Variants in AHCYL2 observed in about 807,000 individuals in gnomAD.
AHCYL2 encodes S-adenosylhomocysteine hydrolase-like protein 2.
In AHCYL2, 28 loss-of-function variants were observed where a neutral mutation model predicts 81.4. The observed-to-expected ratio is 0.34, with a 90% CI of 0.25 to 0.47. The LOEUF (loss-of-function observed/expected upper bound fraction) is 0.47. Among genes scored for constraint, AHCYL2 ranks in the 20% least tolerant of loss-of-function variants. The pLI is 1.00. For missense variants in AHCYL2, 551 were observed against 785.1 expected, an observed-to-expected ratio of 0.70 and a Z score of 3.56; for synonymous variants, 272 against 290.2, an observed-to-expected ratio of 0.94 and a Z score of 0.64.
At chr7:129,408,114 A>G (rs1448038621) in intron 10 of AHCYL2, among the ~76,000 whole-genome samples, 1 of 152,174 alleles carries the variant, frequency 6.6e-6, no homozygotes, top group African/African-American at 2.4e-5. Flanking sequence ...CACTGTAAGT[A>G]TTTGGGTCTT....
intron 1 of AHCYL2, among the ~76,000 whole-genome samples, chr7:129,339,994 C>G (rs1000764434): frequency 2.9e-4 from 42 of 144,498 alleles, no homozygotes; most frequent in Non-Finnish European, 3.3e-4. Flanking sequence ...TCTCGGCTCA[C>G]TGCAAGCTCC....
At chr7:129,362,051 ACTACT>A (rs1793947991) in intron 1 of AHCYL2, among the ~76,000 whole-genome samples, 1 of 152,176 alleles carries the variant, frequency 6.6e-6, no homozygotes, top group African/African-American at 2.4e-5. Flanking sequence ...GCAGTTGAGT[ACTACT>A]CTGCTCTATC....
chr7:129,319,900 G>A (rs943334764), intron 1 of AHCYL2, among the ~76,000 whole-genome samples: 4 of 151,960 alleles, frequency 2.6e-5, no homozygotes, highest in Admixed American at 2.0e-4. Context: ...ATATACATAT[G>A]CTTTCATTTT....
intron 1 of AHCYL2, among the ~76,000 whole-genome samples, chr7:129,280,875 T>TG (rs1348578629): frequency 2.4e-4 from 36 of 151,660 alleles, no homozygotes; most frequent in African/African-American, 7.0e-4. Context: ...TTCTTTTTTT[T>TG]TTTTTTTGAG....
chr7:129,312,018 CTT>C (rs1288923707), intron 1 of AHCYL2, among the ~76,000 whole-genome samples: 1 of 152,120 alleles, frequency 6.6e-6, no homozygotes, highest in African/African-American at 2.4e-5. Context: ...ACGTTTCGCT[CTT>C]GTCATTGCCC....
chr7:129,280,694 T>C (rs1796406290), intron 1 of AHCYL2, among the ~76,000 whole-genome samples: 1 of 151,984 alleles, frequency 6.6e-6, no homozygotes, highest in Non-Finnish European at 1.5e-5. Context: ...ATATTAGCTG[T>C]TGTTTTTTTT....
chr7:129,228,599 A>G (rs540124999), intron 1 of AHCYL2, among the ~76,000 whole-genome samples: 56 of 152,382 alleles, frequency 3.7e-4, no homozygotes, highest in Non-Finnish European at 6.6e-4. Context: ...AGGTAGTACT[A>G]GCTGAAAGGG....
intron 2 of AHCYL2, among the ~76,000 whole-genome samples, chr7:129,382,720 A>G (rs890073940): frequency 5.9e-5 from 9 of 151,944 alleles, no homozygotes; most frequent in African/African-American, 2.2e-4. Context: ...AGCCTGACCA[A>G]CATGGAGAAA....
At chr7:129,377,146 T>G (rs1163881513) in intron 1 of AHCYL2, among the ~76,000 whole-genome samples, 1 of 152,130 alleles carries the variant, frequency 6.6e-6, no homozygotes, top group Non-Finnish European at 1.5e-5. Context: ...CTTCTCCCTT[T>G]ATGAGCCTAT....
intron 1 of AHCYL2, among the ~76,000 whole-genome samples, chr7:129,299,683 A>T (rs943259426): frequency 2.6e-5 from 4 of 152,014 alleles, no homozygotes; most frequent in Admixed American, 2.6e-4. Context: ...ATGAGCCATC[A>T]CGCCCAGCCA....
At chr7:129,266,716 G>A (rs1236243483) in intron 1 of AHCYL2, among the ~76,000 whole-genome samples, 2 of 152,114 alleles carry the variant, frequency 1.3e-5, no homozygotes, top group Non-Finnish European at 2.9e-5. Context: ...AATAGGAGGG[G>A]CAATCCAAAG....
chr7:129,228,729 C>T (rs1794313491), intron 1 of AHCYL2, among the ~76,000 whole-genome samples: 1 of 152,118 alleles, frequency 6.6e-6, no homozygotes, highest in Admixed American at 6.5e-5. Flanking sequence ...GGCTGCAAGC[C>T]CAAGAACCTC....
chr7:129,267,922 A>G (rs573133065), intron 1 of AHCYL2, among the ~76,000 whole-genome samples: 2 of 152,270 alleles, frequency 1.3e-5, no homozygotes, highest in South Asian at 4.1e-4. Context: ...AAAAGTACCT[A>G]TAACATGGGA....
At chr7:129,377,090 G>C (rs1794721578) in intron 1 of AHCYL2, among the ~76,000 whole-genome samples, 1 of 152,212 alleles carries the variant, frequency 6.6e-6, no homozygotes, top group South Asian at 2.1e-4. Context: ...TTGATTGAGT[G>C]CCTAGGATTT....
intron 1 of AHCYL2, among the ~76,000 whole-genome samples, chr7:129,246,122 G>C (rs1010769891): frequency 2.0e-5 from 3 of 151,230 alleles, no homozygotes; most frequent in Admixed American, 2.0e-4. Flanking sequence ...GCAATGATGC[G>C]ATCTTGGCTC....
intron 1 of AHCYL2, among the ~76,000 whole-genome samples, chr7:129,266,524 C>T (rs149037772): frequency 1.3e-5 from 2 of 151,852 alleles, no homozygotes; most frequent in East Asian, 1.9e-4. Context: ...AGTGAAACTC[C>T]GTCCCCCGCC....
intron 1 of AHCYL2, among the ~76,000 whole-genome samples, chr7:129,317,350 G>C (rs764967561): frequency 6.6e-6 from 1 of 151,336 alleles, no homozygotes; most frequent in Non-Finnish European, 1.5e-5. Flanking sequence ...GTGTCAGTGT[G>C]GATCCTCCAA....
chr7:129,338,948 G>A (rs960171826), intron 1 of AHCYL2, among the ~76,000 whole-genome samples: 1 of 152,162 alleles, frequency 6.6e-6, no homozygotes, highest in African/African-American at 2.4e-5. Context: ...TCAAATTTCT[G>A]CACATCCTTT....
intron 1 of AHCYL2, among the ~76,000 whole-genome samples, chr7:129,270,336 C>T (rs191691877): frequency 4.9e-4 from 74 of 152,246 alleles, no homozygotes; most frequent in Admixed American, 3.6e-3. Context: ...GTATACATTC[C>T]CTTTAGTTAG....
Sources: gnomAD v4.1 joint callset for allele counts (sites outside exome capture counted in the v4.1 genomes callset) on GRCh38, gnomAD v4.1.1 for gene constraint, MANE v1.5 for transcripts, NCBI Gene and HGNC (gene_info 2026-07-23, HGNC 2026-07-21) for gene names.